FGGY: variants seen among roughly 807,000 people sequenced by gnomAD.
FGGY encodes the protein FGGY carbohydrate kinase domain-containing protein.
FGGY carries 72 observed loss-of-function variants against 71.3 expected under a neutral mutation model. The ratio of observed to expected loss-of-function variants is 1.01; its 90% CI spans 0.84 to 1.23. The LOEUF (loss-of-function observed/expected upper bound fraction) is 1.23, where lower values mean the gene tolerates loss of function less well. FGGY is among the 50% of genes most tolerant of loss of function. The pLI is 0.00. For missense variants in FGGY, 668 were observed against 682.3 expected, an observed-to-expected ratio of 0.98 and a Z score of 0.23; for synonymous variants, 251 against 250.3, an observed-to-expected ratio of 1.00 and a Z score of -0.02.
At chr1:59,576,654 A>AT (rs766967810) in intron 8 of FGGY, among the ~76,000 whole-genome samples, 14 of 128,224 alleles carry the variant, frequency 1.1e-4, no homozygotes, top group African/African-American at 3.4e-4. Context: ...GCTAGAGATT[A>AT]CAGACAGACA....
chr1:59,365,464 A>G (rs2056419748), intron 4 of FGGY, among the ~76,000 whole-genome samples: 2 of 152,194 alleles, frequency 1.3e-5, no homozygotes. Context: ...TCTCTCCCAT[A>G]GATGGTACCA....
At chr1:59,432,132 G>A (rs980681602) in intron 5 of FGGY, among the ~76,000 whole-genome samples, 10 of 152,154 alleles carry the variant, frequency 6.6e-5, no homozygotes, top group African/African-American at 2.4e-4. Context: ...ATCCCTGAAA[G>A]ATGGGGTTTG....
At chr1:59,576,258 A>G (rs1353302857) in intron 8 of FGGY, among the ~76,000 whole-genome samples, 2 of 152,210 alleles carry the variant, frequency 1.3e-5, no homozygotes. Context: ...AGGGACATGG[A>G]TGAATCTGGG....
chr1:59,604,712 G>A (rs116031303), intron 8 of FGGY, among the ~76,000 whole-genome samples: 1,557 of 152,238 alleles, frequency 0.01, 12 homozygotes, highest in Non-Finnish European at 0.015. Flanking sequence ...AAATCCCATC[G>A]TGGTCATCCA....
intron 14 of FGGY, chr1:59,699,503 A>G: frequency 2.8e-6 from 2 of 710,050 alleles, no homozygotes; most frequent in Non-Finnish European, 3.5e-6. Context: ...TTTGCCATGG[A>G]TAGAAAAAGT....
intron 9 of FGGY, among the ~76,000 whole-genome samples, chr1:59,617,315 T>TA (rs763896539): frequency 1.1e-4 from 17 of 152,200 alleles, no homozygotes; most frequent in Middle Eastern, 3.4e-3. Context: ...CCATGGATTT[T>TA]AAAAAAAGAT....
At chr1:59,605,717 C>T (rs975300) in intron 8 of FGGY, among the ~76,000 whole-genome samples, 3,790 of 152,108 alleles carry the variant, frequency 0.025, 164 homozygotes, top group African/African-American at 0.086. Context: ...GGAAATCCTA[C>T]TGATTTGAGG....
At chr1:59,435,748 G>T (rs919310045) in intron 5 of FGGY, among the ~76,000 whole-genome samples, 2 of 17,370 alleles carry the variant, frequency 1.2e-4, no homozygotes, top group South Asian at 2.1e-3. Context: ...GTGCCTGCGT[G>T]TGTGTGTGTG....
chr1:59,714,936 A>G (rs2097832181), intron 14 of FGGY, among the ~76,000 whole-genome samples: 3 of 152,256 alleles, frequency 2.0e-5, no homozygotes, highest in Admixed American at 2.0e-4. Flanking sequence ...AAAGAGTTAC[A>G]TGCATCATAC....
intron 5 of FGGY, among the ~76,000 whole-genome samples, chr1:59,385,525 G>T: frequency 1.3e-5 from 2 of 152,254 alleles, no homozygotes; most frequent in South Asian, 4.1e-4. Flanking sequence ...TTAGTAATTT[G>T]CCACATTCTT....
intron 10 of FGGY, among the ~76,000 whole-genome samples, chr1:59,629,251 G>T (rs1009228655): frequency 6.6e-6 from 1 of 151,098 alleles, no homozygotes; most frequent in South Asian, 2.1e-4. Flanking sequence ...AATGATTGTT[G>T]TAGTTAGTAT....
At chr1:59,357,193 A>G (rs1339775605) in intron 4 of FGGY, among the ~76,000 whole-genome samples, 1 of 152,086 alleles carries the variant, frequency 6.6e-6, no homozygotes, top group African/African-American at 2.4e-5. Flanking sequence ...TTTCCTTATT[A>G]TCCTGTATTT....
intron 14 of FGGY, among the ~76,000 whole-genome samples, chr1:59,737,167 A>T (rs2098113297): frequency 6.6e-6 from 1 of 152,236 alleles, no homozygotes; most frequent in Non-Finnish European, 1.5e-5. Flanking sequence ...ATTTCAGAGG[A>T]TGTATGGAAA....
chr1:59,348,798 A>G (rs2052650628), intron 4 of FGGY, among the ~76,000 whole-genome samples: 1 of 152,088 alleles, frequency 6.6e-6, no homozygotes, highest in Admixed American at 6.6e-5. Flanking sequence ...GTAAGTTTTA[A>G]TCTACATAAA....
At chr1:59,468,565 C>T (rs1424981597) in intron 6 of FGGY, among the ~76,000 whole-genome samples, 3 of 152,032 alleles carry the variant, frequency 2.0e-5, no homozygotes, top group African/African-American at 7.2e-5. Flanking sequence ...GTCATGTAGG[C>T]TAAAAATTTG....
chr1:59,473,254 C>G (rs901043488), intron 6 of FGGY, among the ~76,000 whole-genome samples: 1 of 151,542 alleles, frequency 6.6e-6, no homozygotes. Context: ...CCGGGAGGAA[C>G]GAACAACTCC....
intron 1 of FGGY, among the ~76,000 whole-genome samples, chr1:59,304,120 C>T (rs1456134400): frequency 6.6e-6 from 1 of 152,028 alleles, no homozygotes; most frequent in East Asian, 1.9e-4. Flanking sequence ...TTTTATTGCT[C>T]ATGCTTTTGA....
At chr1:59,507,793 C>T (rs1342663580) in intron 6 of FGGY, among the ~76,000 whole-genome samples, 2 of 151,594 alleles carry the variant, frequency 1.3e-5, no homozygotes, top group African/African-American at 4.9e-5. Flanking sequence ...CTCGGCCTCC[C>T]AAAGTGCTGG....
chr1:59,340,849 C>G (rs1002142256), intron 3 of FGGY, among the ~76,000 whole-genome samples: 3 of 152,142 alleles, frequency 2.0e-5, no homozygotes, highest in African/African-American at 4.8e-5. Context: ...TAAATTTCAA[C>G]TGATATTTAA....
Sources: gnomAD v4.1 joint callset for allele counts (sites outside exome capture counted in the v4.1 genomes callset) on GRCh38, gnomAD v4.1.1 for gene constraint, MANE v1.5 for transcripts, NCBI Gene and HGNC (gene_info 2026-07-23, HGNC 2026-07-21) for gene names.